LDB2: variants seen among roughly 807,000 people sequenced by gnomAD.
The protein encoded by LDB2 is LIM domain binding 2.
In LDB2, 12 loss-of-function variants were observed where a neutral mutation model predicts 44.3. The observed-to-expected ratio is 0.27, with a 90% confidence interval of 0.17 to 0.44. The LOEUF (loss-of-function observed/expected upper bound fraction) is 0.44. LDB2 is among the 20% of genes least tolerant of loss of function. The pLI, the probability that LDB2 is intolerant of heterozygous loss-of-function variation, is 1.00. For missense variants in LDB2, 344 were observed against 473.5 expected, an observed-to-expected ratio of 0.73 and a Z score of 2.54; for synonymous variants, 164 against 174.8, an observed-to-expected ratio of 0.94 and a Z score of 0.49.
At chr4:16,712,769 G>C (rs1756200202) in intron 2 of LDB2, among the ~76,000 whole-genome samples, 1 of 152,078 alleles carries the variant, frequency 6.6e-6, no homozygotes, top group South Asian at 2.1e-4. Flanking sequence ...AATGTAAAAT[G>C]GTGCAGCTGC....
At chr4:16,601,278 A>G (rs532387137) in intron 2 of LDB2, among the ~76,000 whole-genome samples, 7 of 152,296 alleles carry the variant, frequency 4.6e-5, no homozygotes, top group Admixed American at 2.0e-4. Context: ...GCAATTCTCA[A>G]GTTTATGTTT....
chr4:16,820,761 AC>A (rs950108644), intron 1 of LDB2, among the ~76,000 whole-genome samples: 4 of 152,222 alleles, frequency 2.6e-5, no homozygotes, highest in African/African-American at 7.2e-5. Flanking sequence ...AGAAAAAAAA[AC>A]AGAGAACAGA....
At chr4:16,893,048 T>G in intron 1 of LDB2, 1 of 942,770 alleles carries the variant, frequency 1.1e-6, no homozygotes. Flanking sequence ...TTCAAGAAAA[T>G]AAAATCAGTA....
At chr4:16,620,816 T>C (rs1057188486) in intron 2 of LDB2, among the ~76,000 whole-genome samples, 8 of 152,220 alleles carry the variant, frequency 5.3e-5, no homozygotes, top group African/African-American at 1.9e-4. Context: ...AGTCTACTTG[T>C]TCCTGTACTT....
chr4:16,835,582 T>A (rs79703308), intron 1 of LDB2, among the ~76,000 whole-genome samples: 4,158 of 152,326 alleles, frequency 0.027, 199 homozygotes, highest in African/African-American at 0.095. Context: ...TAAGTGTCCC[T>A]GTAGATATAA....
At chr4:16,542,784 TTTTTG>T (rs1414898966) in intron 5 of LDB2, among the ~76,000 whole-genome samples, 3 of 152,118 alleles carry the variant, frequency 2.0e-5, no homozygotes, top group Non-Finnish European at 4.4e-5. Flanking sequence ...TTGTTTTTGT[TTTTTG>T]TTTTGTTTTG....
intron 4 of LDB2, among the ~76,000 whole-genome samples, chr4:16,587,881 T>C (rs955631441): frequency 6.6e-5 from 10 of 152,146 alleles, no homozygotes; most frequent in Non-Finnish European, 1.5e-4. Context: ...TCATGAGATA[T>C]ACAAAATGTT....
intron 2 of LDB2, among the ~76,000 whole-genome samples, chr4:16,644,326 G>A (rs1032997033): frequency 2.9e-4 from 44 of 152,110 alleles, no homozygotes; most frequent in Admixed American, 2.7e-3. Flanking sequence ...TCTTAAAAAA[G>A]GGCTGATCTA....
intron 2 of LDB2, among the ~76,000 whole-genome samples, chr4:16,657,194 G>A (rs966932631): frequency 2.0e-5 from 3 of 152,190 alleles, no homozygotes; most frequent in African/African-American, 7.2e-5. Context: ...CAAAAAGGCT[G>A]TTACTGGGAA....
At chr4:16,562,333 T>C (rs1248966797) in intron 5 of LDB2, among the ~76,000 whole-genome samples, 1 of 152,200 alleles carries the variant, frequency 6.6e-6, no homozygotes, top group East Asian at 1.9e-4. Context: ...GACAAAGGGC[T>C]AATATCCAGA....
At position 16,712,378 on chromosome 4, in the gene LDB2, C is replaced by G. The variant is rs564256320; in HGVS notation, c.235+46780G>C. Among the ~76,000 whole-genome samples the G allele has an allele frequency of 1.4e-4, 21 of 152,094 alleles. No individual in the cohort carries two copies. In the South Asian group the frequency reaches 3.7e-3, roughly 27 times the overall value. On this transcript the variant is annotated intron_variant, in intron 2 of 7. Coordinates refer to ENST00000304523, the MANE Select transcript of LDB2 (RefSeq NM_001290.5). ...ACCTGCCTGGCCAACATGGTGAAAC[C>G]CCGTCTCTACTAAAAATTTGAAAAT...
At chr4:16,767,872 G>C (rs1466956624) in intron 1 of LDB2, among the ~76,000 whole-genome samples, 5 of 152,082 alleles carry the variant, frequency 3.3e-5, no homozygotes, top group Non-Finnish European at 7.4e-5. Flanking sequence ...CATATATCAG[G>C]ATGAGACACA....
At chr4:16,621,971 G>T (rs894072556) in intron 2 of LDB2, among the ~76,000 whole-genome samples, 13 of 152,168 alleles carry the variant, frequency 8.5e-5, no homozygotes, top group Non-Finnish European at 1.3e-4. Flanking sequence ...TATTATGTTG[G>T]TGCAAAAGTA....
At chr4:16,607,268 C>G (rs1724204056) in intron 2 of LDB2, among the ~76,000 whole-genome samples, 1 of 152,200 alleles carries the variant, frequency 6.6e-6, no homozygotes, top group South Asian at 2.1e-4. Flanking sequence ...TTCTTTGAAA[C>G]CTTTGCTCAT....
At chr4:16,873,606 C>G (rs1006975936) in intron 1 of LDB2, among the ~76,000 whole-genome samples, 10 of 152,002 alleles carry the variant, frequency 6.6e-5, no homozygotes, top group African/African-American at 2.2e-4. Context: ...AAAGAGTTTT[C>G]TAAAACAAGG....
chr4:16,813,911 G>T (rs1335953502), intron 1 of LDB2, among the ~76,000 whole-genome samples: 2 of 148,746 alleles, frequency 1.3e-5, no homozygotes, highest in Non-Finnish European at 3.0e-5. Context: ...TGGCTCTGTC[G>T]CCCAGGCTGG....
chr4:16,891,909 T>C (rs1320361481), intron 1 of LDB2, among the ~76,000 whole-genome samples: 1 of 152,250 alleles, frequency 6.6e-6, no homozygotes, highest in Non-Finnish European at 1.5e-5. Context: ...GGCAGAGTAG[T>C]TACAACCTCT....
At chr4:16,716,384 A>G (rs541240338) in intron 2 of LDB2, among the ~76,000 whole-genome samples, 1 of 152,248 alleles carries the variant, frequency 6.6e-6, no homozygotes, top group East Asian at 1.9e-4. Context: ...TGAAGTGGAG[A>G]ATTTGTTTAG....
intron 5 of LDB2, among the ~76,000 whole-genome samples, chr4:16,572,652 A>G (rs956333649): frequency 6.6e-6 from 1 of 152,042 alleles, no homozygotes; most frequent in African/African-American, 2.4e-5. Context: ...TTCAGAAATC[A>G]CTGATTTCTA....
Sources: allele counts gnomAD v4.1 joint callset (sites outside exome capture counted in the v4.1 genomes callset), GRCh38; gene constraint gnomAD v4.1.1; transcripts MANE v1.5; gene names NCBI Gene and HGNC (gene_info 2026-07-23, HGNC 2026-07-21).